The following GALNT13 variants were observed in gnomAD, a reference collection of about 807,000 sequenced individuals.
GALNT13 encodes the protein polypeptide N-acetylgalactosaminyltransferase 13, also known as UDP-GalNAc:polypeptide N-acetylgalactosaminyltransferase 13.
GALNT13 carries 28 observed loss-of-function variants against 64.2 expected under a neutral mutation model. The observed-to-expected ratio is 0.44, with a 90% CI of 0.32 to 0.60. GALNT13 has a LOEUF of 0.60. Among genes scored for constraint, GALNT13 ranks in the 20% least tolerant of loss-of-function variants. The pLI is 0.05. For missense variants in GALNT13, 577 were observed against 669.8 expected (o/e 0.86, Z 1.53); for synonymous variants, 214 against 224.6 (o/e 0.95, Z 0.42).
chr2:154,441,753 T>C (rs1178900965), intron 12 of GALNT13: 4 of 152,070 alleles, frequency 2.6e-5, no homozygotes, highest in Admixed American at 6.6e-5. Flanking sequence ...ATGGAAACAG[T>C]GTCATGAAGC....
the GALNT13 span, among the ~76,000 whole-genome samples, chr2:153,470,272 G>A: frequency 1.3e-5 from 2 of 152,040 alleles, no homozygotes; most frequent in Admixed American, 1.3e-4. Flanking sequence ...GCATGGCCTT[G>A]TATCCTCACA....
intron 9 of GALNT13, among the ~76,000 whole-genome samples, chr2:154,334,410 T>G (rs559115373): frequency 6.6e-6 from 1 of 152,106 alleles, no homozygotes; most frequent in Admixed American, 6.6e-5. Context: ...GCCTTTAAAC[T>G]AAACTGGAAC....
chr2:153,979,930 T>A (rs1694346693), intron 3 of GALNT13, among the ~76,000 whole-genome samples: 1 of 152,192 alleles, frequency 6.6e-6, no homozygotes, highest in Non-Finnish European at 1.5e-5. Flanking sequence ...GGATAGAGAC[T>A]GATGGAACAC....
intron 2 of GALNT13, among the ~76,000 whole-genome samples, chr2:153,925,539 A>T (rs2348540): frequency 7.0e-6 from 1 of 142,546 alleles, no homozygotes. Context: ...TGGCTATTTG[A>T]GCTCTTTTTT....
At chr2:153,619,617 A>T in the GALNT13 span, among the ~76,000 whole-genome samples, 1 of 152,026 alleles carries the variant, frequency 6.6e-6, no homozygotes, top group African/African-American at 2.4e-5. Context: ...ATGACTTTGG[A>T]AGTATCCCAT....
the GALNT13 span, among the ~76,000 whole-genome samples, chr2:153,399,305 C>A: frequency 3.3e-5 from 5 of 152,166 alleles, no homozygotes; most frequent in Non-Finnish European, 7.3e-5. Flanking sequence ...GTGGCAGTAC[C>A]ACGCTGTTTT....
At chr2:154,344,996 T>C (rs1553517822) in intron 9 of GALNT13, among the ~76,000 whole-genome samples, 1 of 151,854 alleles carries the variant, frequency 6.6e-6, no homozygotes, top group Non-Finnish European at 1.5e-5. Flanking sequence ...TGGCTGTTGC[T>C]AAAAAACAAA....
At chr2:154,409,870 G>A (rs1699717582) in intron 11 of GALNT13, among the ~76,000 whole-genome samples, 1 of 151,790 alleles carries the variant, frequency 6.6e-6, no homozygotes, top group African/African-American at 2.4e-5. Context: ...CACAATTATG[G>A]TTATATTTGT....
chr2:153,903,248 G>GT (rs1437312585), intron 2 of GALNT13, among the ~76,000 whole-genome samples: 2 of 151,638 alleles, frequency 1.3e-5, no homozygotes, highest in South Asian at 2.1e-4. Flanking sequence ...GGATAGAGTG[G>GT]TAAAAAAAAA....
At chr2:154,211,756 G>A (rs1029635664) in intron 4 of GALNT13, among the ~76,000 whole-genome samples, 5 of 151,516 alleles carry the variant, frequency 3.3e-5, no homozygotes, top group African/African-American at 1.2e-4. Context: ...TGGAAACATC[G>A]TTATGCAGTG....
At chr2:153,531,497 A>G in the GALNT13 span, among the ~76,000 whole-genome samples, 1 of 152,170 alleles carries the variant, frequency 6.6e-6, no homozygotes, top group Non-Finnish European at 1.5e-5. Context: ...ACTGAGGATT[A>G]CATTTCAACA....
chr2:154,125,671 A>G (rs1429969689), intron 3 of GALNT13, among the ~76,000 whole-genome samples: 7 of 152,318 alleles, frequency 4.6e-5, no homozygotes, highest in Non-Finnish European at 5.9e-5. Flanking sequence ...GAAAAACTCT[A>G]AGGAAAAAGA....
chr2:154,264,910 G>A (rs890624686), intron 8 of GALNT13, among the ~76,000 whole-genome samples: 5 of 150,408 alleles, frequency 3.3e-5, no homozygotes, highest in African/African-American at 1.2e-4. Flanking sequence ...GATAACAGCA[G>A]AAATAAATGA....
chr2:153,286,543 A>G, the GALNT13 span, among the ~76,000 whole-genome samples: 58 of 152,180 alleles, frequency 3.8e-4, no homozygotes, highest in African/African-American at 1.3e-3. Context: ...TTTGTTTGAT[A>G]TATATTTAAA....
chr2:153,428,609 T>C, the GALNT13 span, among the ~76,000 whole-genome samples: 1 of 152,136 alleles, frequency 6.6e-6, no homozygotes, highest in East Asian at 1.9e-4. Context: ...CTTATAAAGT[T>C]CCAGTGGTGG....
At chr2:153,526,377 A>C in the GALNT13 span, among the ~76,000 whole-genome samples, 1 of 152,190 alleles carries the variant, frequency 6.6e-6, no homozygotes, top group Admixed American at 6.5e-5. Flanking sequence ...TTTGCTTGGG[A>C]GAAAGTAAGG....
At chr2:153,339,295 T>C in the GALNT13 span, among the ~76,000 whole-genome samples, 2 of 152,238 alleles carry the variant, frequency 1.3e-5, no homozygotes, top group African/African-American at 4.8e-5. Flanking sequence ...ATTTACCTTT[T>C]TGATAATAGC....
the GALNT13 span, among the ~76,000 whole-genome samples, chr2:153,612,511 A>G: frequency 6.6e-6 from 1 of 152,198 alleles, no homozygotes; most frequent in Non-Finnish European, 1.5e-5. Flanking sequence ...TCAATGTGAA[A>G]AAAATGGAAA....
chr2:153,860,377 G>C, the GALNT13 span, among the ~76,000 whole-genome samples: 5 of 152,176 alleles, frequency 3.3e-5, no homozygotes, highest in South Asian at 1.0e-3. Flanking sequence ...GCAAAGCAAA[G>C]TTCAGAACAA....
Sources: allele counts gnomAD v4.1 joint callset (sites outside exome capture counted in the v4.1 genomes callset), GRCh38; gene constraint gnomAD v4.1.1; transcripts MANE v1.5; gene names NCBI Gene and HGNC (gene_info 2026-07-23, HGNC 2026-07-21).